The following KHDRBS3 variants were observed in gnomAD, a reference collection of about 807,000 sequenced individuals.
KHDRBS3 encodes KH RNA binding domain containing, signal transduction associated 3.
Under a neutral mutation model 45.6 loss-of-function variants are expected in KHDRBS3, and 23 were observed. That is an observed-to-expected ratio of 0.50 (90% CI 0.36 to 0.72). KHDRBS3 has a LOEUF of 0.72. Ranked by LOEUF, KHDRBS3 falls within the 30% of genes least tolerant of loss-of-function variation. KHDRBS3 has a pLI of 0.00. For synonymous variants in KHDRBS3, 162 were observed against 156.5 expected (o/e 1.04, Z -0.26); for missense variants, 352 against 424.8 (o/e 0.83, Z 1.51).
intron 1 of KHDRBS3, among the ~76,000 whole-genome samples, chr8:135,485,277 A>G (rs1822798665): frequency 6.6e-6 from 1 of 152,240 alleles, no homozygotes; most frequent in Non-Finnish European, 1.5e-5. Flanking sequence ...ATGAATGAAT[A>G]TTGAAAGTGC....
intron 7 of KHDRBS3, among the ~76,000 whole-genome samples, chr8:135,635,796 T>C (rs567867417): frequency 1.3e-5 from 2 of 152,338 alleles, no homozygotes; most frequent in Admixed American, 6.5e-5. Context: ...TACTTGGGTT[T>C]TTTGGCATCA....
At chr8:135,463,094 T>TA (rs1726909214) in intron 1 of KHDRBS3, among the ~76,000 whole-genome samples, 1 of 152,182 alleles carries the variant, frequency 6.6e-6, no homozygotes, top group Non-Finnish European at 1.5e-5. Flanking sequence ...CTGGTGCTCT[T>TA]ACGGTGTGAT....
intron 5 of KHDRBS3, among the ~76,000 whole-genome samples, chr8:135,563,236 C>T (rs1401079565): frequency 1.3e-5 from 2 of 152,160 alleles, no homozygotes; most frequent in Non-Finnish European, 1.5e-5. Context: ...TATCTTATTC[C>T]ACTTTTCCAT....
chr8:135,466,073 C>T (rs546353515), intron 1 of KHDRBS3, among the ~76,000 whole-genome samples: 1 of 152,224 alleles, frequency 6.6e-6, no homozygotes, highest in Non-Finnish European at 1.5e-5. Context: ...GCTAGGTTAC[C>T]TTCTTTCTTT....
At chr8:135,596,463 T>C (rs924618174) in intron 6 of KHDRBS3, among the ~76,000 whole-genome samples, 1 of 152,192 alleles carries the variant, frequency 6.6e-6, no homozygotes, top group Admixed American at 6.5e-5. Flanking sequence ...CAGCTTCCAA[T>C]CATAGCAGTC....
At chr8:135,653,196 T>C (rs1831464988) in intron 4 of KHDRBS3, among the ~76,000 whole-genome samples, 1 of 152,162 alleles carries the variant, frequency 6.6e-6, no homozygotes, top group Non-Finnish European at 1.5e-5. Flanking sequence ...ATTTCTGTTC[T>C]GCTTGTTGGT....
At chr8:135,625,928 A>T (rs10089538) in intron 7 of KHDRBS3, 346,155 of 791,950 alleles carry the variant, frequency 0.44, 80,059 homozygotes, top group South Asian at 0.53. Context: ...CCAGCATGTC[A>T]TGTCGACTTA....
intron 2 of KHDRBS3, among the ~76,000 whole-genome samples, chr8:135,531,457 C>T (rs937357558): frequency 2.0e-5 from 3 of 151,864 alleles, no homozygotes; most frequent in Admixed American, 6.6e-5. Flanking sequence ...TTGAATAGTG[C>T]TATTCAATTT....
intron 7 of KHDRBS3, among the ~76,000 whole-genome samples, chr8:135,637,165 A>G (rs1830848604): frequency 6.6e-6 from 1 of 152,250 alleles, no homozygotes; most frequent in Non-Finnish European, 1.5e-5. Context: ...TTAGATAAGT[A>G]AGGCTCTTAT....
At chr8:135,500,104 A>G (rs1396717917) in intron 1 of KHDRBS3, among the ~76,000 whole-genome samples, 1 of 152,106 alleles carries the variant, frequency 6.6e-6, no homozygotes, top group Non-Finnish European at 1.5e-5. Context: ...AAAGTATATC[A>G]CTCATCCCAG....
intron 6 of KHDRBS3, among the ~76,000 whole-genome samples, chr8:135,591,289 GTTA>G (rs1444860314): frequency 2.0e-5 from 3 of 152,220 alleles, no homozygotes; most frequent in Non-Finnish European, 4.4e-5. Flanking sequence ...GGACATAAAA[GTTA>G]TTATACAGAA....
intron 5 of KHDRBS3, among the ~76,000 whole-genome samples, chr8:135,576,425 G>A (rs187174310): frequency 1.3e-5 from 2 of 152,160 alleles, no homozygotes; most frequent in Non-Finnish European, 2.9e-5. Context: ...ATTTCTGTCA[G>A]TGTGGACTCA....
At chr8:135,494,443 T>C (rs1420801103) in intron 1 of KHDRBS3, among the ~76,000 whole-genome samples, 2 of 151,980 alleles carry the variant, frequency 1.3e-5, no homozygotes, top group Admixed American at 1.3e-4. Flanking sequence ...CACGCCCAGC[T>C]ACTTTTTTGC....
chr8:135,566,755 A>G (rs905114067), intron 5 of KHDRBS3, among the ~76,000 whole-genome samples: 5 of 152,142 alleles, frequency 3.3e-5, no homozygotes, highest in African/African-American at 9.7e-5. Context: ...AGTCACAGCT[A>G]CTCAGGAGGC....
At chr8:135,515,988 A>G (rs1288451341) in intron 1 of KHDRBS3, among the ~76,000 whole-genome samples, 1 of 152,210 alleles carries the variant, frequency 6.6e-6, no homozygotes, top group Non-Finnish European at 1.5e-5. Flanking sequence ...ACCATGATAG[A>G]TTGCACTTAA....
At chr8:135,616,412 G>A (rs545108320) in intron 7 of KHDRBS3, among the ~76,000 whole-genome samples, 22 of 152,298 alleles carry the variant, frequency 1.4e-4, no homozygotes, top group African/African-American at 3.8e-4. Flanking sequence ...ATGACAACAC[G>A]GTAGTGGGGC....
chr8:135,542,463 T>A lies in KHDRBS3; in HGVS notation c.208-191T>A. On this transcript the variant is annotated intron_variant, in intron 2 of 8. Transcript: ENST00000355849. ...ATAAATATAAAGAAATATATCAGGG[T>A]TTTTTATTTTACGTTTAGCCCCGTT... The A allele has an allele frequency of 6.1e-6, 3 of 490,502 alleles. No homozygotes were observed. The South Asian group carries it at 1.1e-4, about 18-fold the overall frequency. The allele number at this position is 490,502 out of a possible 1,614,324, so 30.4% of individuals were successfully genotyped here.
chr8:135,537,256 T>C (rs1936970197), intron 2 of KHDRBS3, among the ~76,000 whole-genome samples: 1 of 152,082 alleles, frequency 6.6e-6, no homozygotes, highest in African/African-American at 2.4e-5. Flanking sequence ...TTGAGTGTTG[T>C]GTTAGAGGTC....
chr8:135,548,163 G>A (rs976722668), intron 3 of KHDRBS3, among the ~76,000 whole-genome samples: 4 of 152,112 alleles, frequency 2.6e-5, no homozygotes, highest in Non-Finnish European at 4.4e-5. Flanking sequence ...TTCATTCAAC[G>A]AATCTTTGTT....
Sources: allele counts gnomAD v4.1 joint callset (sites outside exome capture counted in the v4.1 genomes callset), GRCh38; gene constraint gnomAD v4.1.1; transcripts MANE v1.5; gene names NCBI Gene and HGNC (gene_info 2026-07-23, HGNC 2026-07-21).